The following IL4R variants were observed in gnomAD, a reference collection of about 807,000 sequenced individuals.
IL4R encodes the protein interleukin-4 receptor subunit alpha.
A neutral mutation model predicts 41.5 loss-of-function variants in IL4R; 17 were observed. The ratio of observed to expected loss-of-function variants is 0.41; its 90% confidence interval spans 0.28 to 0.61. The LOEUF (loss-of-function observed/expected upper bound fraction) is 0.61. Among genes scored for constraint, IL4R ranks in the 20% least tolerant of loss-of-function variants. The pLI, the probability that IL4R is intolerant of heterozygous loss-of-function variation, is 0.31. For missense variants in IL4R, 974 were observed against 1,043.1 expected (o/e 0.93, Z 0.91); for synonymous variants, 402 against 422.9 (o/e 0.95, Z 0.61).
intron 1 of IL4R, among the ~76,000 whole-genome samples, chr16:27,314,925 C>G (rs903256280): frequency 6.6e-6 from 1 of 152,152 alleles, no homozygotes; most frequent in African/African-American, 2.4e-5. Flanking sequence ...CCTCCCACCT[C>G]GGCCTCCCAA....
rs772745695 is a variant in IL4R, at chr16:27,362,571, A to G, written c.1219A>G (p.Thr407Ala). 4.3e-6 allele frequency: 7 copies of G among 1,614,096 alleles called. No homozygotes were observed. Among genetic ancestry groups the G allele is most frequent in the Non-Finnish European group, 5.9e-6 (7 of 1,180,044 alleles). ...AAGGGAGGGCATTGTGGCCCGGCTA[A>G]CAGAGAGCCTGTTCCTGGACCTGCT... Reference protein sequence around the residue: ...EGREGIVARLTESLFLDLLGE... With the variant: ...EGREGIVARLAESLFLDLLGE... Residue 407 changes from threonine to alanine, a missense_variant, in exon 11 of 11, where the codon ACA becomes GCA. Physicochemically the swap from Thr to Ala is moderately conservative, Grantham distance 58. Around this residue, in one of 3 missense-constraint regions of IL4R, gnomAD observed 682 missense variants for 704.3 expected, o/e 0.97. Coordinates refer to ENST00000395762, the MANE Select transcript of IL4R (RefSeq NM_000418.4).
chr16:27,358,974 A>G lies in IL4R; in HGVS notation c.829A>G (p.Ile277Val), dbSNP rs934907584. ...CCCAGCCCGCAGCCGCCTCGTGGCT[A>G]TAATAATCCAGGATGCTCAGGTAGG... is the stretch of plus-strand genomic sequence containing the variant. Reference protein sequence around the residue: ...PNPARSRLVAIIIQDAQGSQW... With the variant: ...PNPARSRLVAVIIQDAQGSQW... The change falls in exon 9 of 11, where the codon ATA (isoleucine) becomes GTA (valine). Residue 277 changes from isoleucine to valine, a missense_variant. By Grantham distance (29) the Ile-to-Val change is conservative. Coordinates refer to ENST00000395762, the MANE Select transcript of IL4R (RefSeq NM_000418.4). The G allele has an allele frequency of 1.9e-6, 3 of 1,613,460 alleles. No individual in the cohort carries two copies. Among genetic ancestry groups the G allele is most frequent in the Admixed American group, 3.3e-5 (2 of 60,010 alleles).
chr16:27,343,503 T>G (rs2085511372), intron 4 of IL4R, among the ~76,000 whole-genome samples: 5 of 152,230 alleles, frequency 3.3e-5, no homozygotes. Context: ...CTCGGCTCAC[T>G]GCAACCTCTG....
chr16:27,333,318 T>C (rs916422077), intron 2 of IL4R, among the ~76,000 whole-genome samples: 1 of 151,980 alleles, frequency 6.6e-6, no homozygotes, highest in African/African-American at 2.4e-5. Flanking sequence ...TGCGGAACTG[T>C]TGTTTGAAAT....
At position 27,356,184 on chromosome 16, in the gene IL4R, C is replaced by T. The variant is rs147531449; in HGVS notation, c.770+277C>T. Among the ~76,000 whole-genome samples the T allele has an allele frequency of 3.7e-3, 559 of 151,614 alleles. 1 individual carries two copies. The highest frequency in any genetic ancestry group is 0.013 in the African/African-American group (523 of 41,238). On this transcript the variant is annotated intron_variant, in intron 8 of 10. Transcript: ENST00000395762. ...TTGCCTAACAGTAACCTCCGCCTCC[C>T]GGGTTCAAGCAATTCTTCTGCCTCA...
intron 9 of IL4R, chr16:27,359,759 C>T (rs1047349484): frequency 6.6e-6 from 3 of 455,210 alleles, no homozygotes; most frequent in South Asian, 4.7e-5. Context: ...TGAGACAATA[C>T]ATATAAAGTG....
At chr16:27,329,719 A>C (rs1038138957) in intron 1 of IL4R, among the ~76,000 whole-genome samples, 1 of 151,872 alleles carries the variant, frequency 6.6e-6, no homozygotes, top group Non-Finnish European at 1.5e-5. Context: ...AACATTTTGC[A>C]GTCAAAGCTA....
chr16:27,333,934 G>C (rs1027209463), intron 2 of IL4R, among the ~76,000 whole-genome samples: 4 of 151,808 alleles, frequency 2.6e-5, no homozygotes, highest in Non-Finnish European at 5.9e-5. Flanking sequence ...CCAGGCTGGA[G>C]TGCAGTGGCT....
rs764542116 is a variant in IL4R at position 27,363,748 on chromosome 16, CT to C, written c.2397del (p.Gly800AlafsTer13). ...TCCTCATCATCCTTCCATCCTGCCC[CT>C]GGCAATGCTCAGAGCTCAAGCCAGA... ...SKSSSSFHPAPGNAQSSSQTP... is the reference protein window; with the variant it reads ...SKSSSSFHPAXGNAQSSSQTP... On this transcript the variant is annotated frameshift_variant, in exon 11 of 11. Coordinates refer to ENST00000395762, the MANE Select transcript of IL4R (RefSeq NM_000418.4). LOFTEE classifies it low-confidence loss of function (END_TRUNC). 1.9e-6 allele frequency: 3 copies of C among 1,613,290 alleles called. No homozygotes were observed. The highest frequency in any genetic ancestry group is 1.7e-5 in the Admixed American group (1 of 60,030).
chr16:27,320,219 C>T (rs1001545796), intron 1 of IL4R, among the ~76,000 whole-genome samples: 3 of 152,164 alleles, frequency 2.0e-5, no homozygotes, highest in African/African-American at 4.8e-5. Context: ...GTCACTGTCT[C>T]CCATCGCCCT....
At chr16:27,332,158 A>G (rs2107355) in intron 2 of IL4R, among the ~76,000 whole-genome samples, 45,726 of 151,696 alleles carry the variant, frequency 0.3, 7,053 homozygotes, top group East Asian at 0.38. Context: ...TTAATTTACA[A>G]TAGTATTAGT....
chr16:27,351,607 C>G (rs1319874656), intron 6 of IL4R, among the ~76,000 whole-genome samples: 2 of 151,022 alleles, frequency 1.3e-5, no homozygotes, highest in Admixed American at 6.6e-5. Context: ...CTCTGCCTCC[C>G]AGGTTCAAAT....
At position 27,340,233 on chromosome 16, in the gene IL4R, C is replaced by T. The variant is rs375986399; in HGVS notation, c.30C>T (p.Phe10=). The T allele has an allele frequency of 4.7e-5, 76 of 1,613,856 alleles. No homozygotes were observed. In the Middle Eastern group the frequency reaches 6.6e-4, roughly 14 times the overall value. MGWLCSGLL[F]PVSCLVLLQV... ...GGTGGCTTTGCTCTGGGCTCCTGTTCCCTGTGAGCTGCCTGGTCCTGCTGC... is the reference window on the plus strand; with the variant it reads ...GGTGGCTTTGCTCTGGGCTCCTGTTTCCTGTGAGCTGCCTGGTCCTGCTGC... Residue 10 remains phenylalanine, a synonymous_variant, in exon 3 of 11, where the codon TTC becomes TTT. Coordinates refer to ENST00000395762, the MANE Select transcript of IL4R (RefSeq NM_000418.4).
intron 2 of IL4R, among the ~76,000 whole-genome samples, chr16:27,330,421 A>G (rs2085081780): frequency 6.6e-6 from 1 of 151,920 alleles, no homozygotes; most frequent in Admixed American, 6.6e-5. Flanking sequence ...AGAAAAAGAA[A>G]TCACAGAGAG....
At chr16:27,346,670 G>A in intron 6 of IL4R, 52 bp downstream of exon 6, 1 of 1,595,796 alleles carries the variant, frequency 6.3e-7, no homozygotes, top group Middle Eastern at 1.7e-4. Context: ...AACAGGGTGG[G>A]TGACCAGCAG....
Position 27,358,901 on chromosome 16 carries a change from C to T in IL4R, c.771-15C>T. ...AATAATTCAGAGATCAACACCTTTT[C>T]CTTTTGTTTTTCAGGATTAAGAAAG... On this transcript the variant is annotated splice_polypyrimidine_tract_variant and intron_variant, in intron 8 of 10. Coordinates refer to ENST00000395762, the MANE Select transcript of IL4R (RefSeq NM_000418.4). 1 of 1,607,184 alleles carries T rather than the reference C, an allele frequency of 6.2e-7. No homozygotes were observed. Among genetic ancestry groups the T allele is most frequent in the African/African-American group, 1.3e-5 (1 of 74,932 alleles).
At chr16:27,359,312 A>G (rs1446785039) in intron 9 of IL4R, among the ~76,000 whole-genome samples, 7 of 152,184 alleles carry the variant, frequency 4.6e-5, no homozygotes, top group Non-Finnish European at 1.0e-4. Flanking sequence ...TACCAGGGCT[A>G]GAGGCCAGAA....
chr16:27,328,296 T>C (rs2085020313), intron 1 of IL4R, among the ~76,000 whole-genome samples: 1 of 149,714 alleles, frequency 6.7e-6, no homozygotes, highest in Non-Finnish European at 1.5e-5. Context: ...CGGGCTGGAG[T>C]GCAATGGTGT....
Position 27,352,659 on chromosome 16 carries a change from C to T in IL4R, c.633C>T (p.Thr211=), listed in dbSNP as rs200525834. 61 of 1,614,200 alleles carry T rather than the reference C, an allele frequency of 3.8e-5. No individual in the cohort carries two copies. The highest frequency in any genetic ancestry group is 5.2e-5 in the Non-Finnish European group (61 of 1,180,030). The change falls in exon 7 of 11, where the codon ACC becomes ACT. Residue 211 remains threonine (T), a synonymous_variant. Coordinates refer to ENST00000395762, the MANE Select transcript of IL4R (RefSeq NM_000418.4). ...VRAWAQCYNT[T]WSEWSPSTKW... is the part of the protein sequence containing the mutation. ...CCTGGGCTCAGTGCTATAACACCAC[C>T]TGGAGTGAGTGGAGCCCCAGCACCA...
Sources: allele counts gnomAD v4.1 joint callset (sites outside exome capture counted in the v4.1 genomes callset), GRCh38; gene constraint gnomAD v4.1.1; regional missense constraint gnomAD v4.1.1; transcripts MANE v1.5; gene names NCBI Gene and HGNC (gene_info 2026-07-23, HGNC 2026-07-21).